ASTN2: variants seen among roughly 807,000 people sequenced by gnomAD.
ASTN2 encodes astrotactin 2.
ASTN2 carries 54 observed loss-of-function variants against 139.8 expected under a neutral mutation model. The observed-to-expected ratio is 0.39, with a 90% CI of 0.31 to 0.48. The LOEUF (loss-of-function observed/expected upper bound fraction) is 0.48, where lower values mean the gene tolerates loss of function less well. Ranked by LOEUF, ASTN2 falls within the 20% of genes least tolerant of loss-of-function variation. ASTN2 has a pLI of 0.95. For synonymous variants in ASTN2, 756 were observed against 719.5 expected, an observed-to-expected ratio of 1.05 and a Z score of -0.81; for missense variants, 1,565 against 1,725.1, an observed-to-expected ratio of 0.91 and a Z score of 1.64.
chr9:116,643,839 A>T (rs911620350), intron 17 of ASTN2, among the ~76,000 whole-genome samples: 1 of 152,084 alleles, frequency 6.6e-6, no homozygotes. Flanking sequence ...CTCTTCTAAC[A>T]CTATTGGAAT....
intron 22 of ASTN2, among the ~76,000 whole-genome samples, chr9:116,436,855 T>C (rs1415532071): frequency 1.3e-5 from 2 of 151,798 alleles, no homozygotes; most frequent in African/African-American, 4.8e-5. Flanking sequence ...GTGGCACATA[T>C]ACACCATGGA....
In ASTN2 at chr9:116,697,828, A is replaced by G. The variant is rs757842932; in HGVS notation, c.2806+27943T>C. On this transcript the variant is annotated intron_variant, in intron 16 of 22. Coordinates refer to ENST00000313400, the MANE Select transcript of ASTN2 (RefSeq NM_001365068.1). The stretch of plus-strand genomic sequence containing the variant: ...CCCATCTGCATGGAGTCCTTCACAG[A>G]AGAGCAGCTGCGTCCCAAGCTTCTG... 3.7e-6 allele frequency: 6 copies of G among 1,614,186 alleles called. No individual in the cohort carries two copies. In the Admixed American group the frequency reaches 8.3e-5, roughly 22 times the overall value.
chr9:117,118,577 G>A (rs1829462595), intron 4 of ASTN2, among the ~76,000 whole-genome samples: 1 of 152,124 alleles, frequency 6.6e-6, no homozygotes, highest in African/African-American at 2.4e-5. Context: ...AGTTAGAGAG[G>A]TCAGATTATA....
intron 19 of ASTN2, among the ~76,000 whole-genome samples, chr9:116,506,051 A>G (rs561377366): frequency 1.3e-5 from 2 of 152,224 alleles, no homozygotes; most frequent in Non-Finnish European, 2.9e-5. Flanking sequence ...TTGCACATCT[A>G]TTACTTTACC....
chr9:116,913,950 C>T (rs2132424680), intron 10 of ASTN2, among the ~76,000 whole-genome samples: 1 of 150,472 alleles, frequency 6.6e-6, no homozygotes, highest in South Asian at 2.1e-4. Context: ...TTTCTAGCTC[C>T]AGAGCCTCAA....
intron 10 of ASTN2, among the ~76,000 whole-genome samples, chr9:116,972,317 T>C (rs1317749436): frequency 1.3e-5 from 2 of 152,238 alleles, no homozygotes; most frequent in Non-Finnish European, 2.9e-5. Context: ...GTTACTGTGT[T>C]CTTTCATATT....
At chr9:117,173,067 G>A (rs890158492) in intron 3 of ASTN2, among the ~76,000 whole-genome samples, 1 of 151,994 alleles carries the variant, frequency 6.6e-6, no homozygotes, top group East Asian at 1.9e-4. Flanking sequence ...ATAAGGAAAG[G>A]GATAAAAGAA....
At chr9:116,678,094 GAC>G (rs1207022235) in intron 16 of ASTN2, among the ~76,000 whole-genome samples, 1 of 152,186 alleles carries the variant, frequency 6.6e-6, no homozygotes, top group East Asian at 1.9e-4. Context: ...TGGAAATAAA[GAC>G]AGTTTTAAAG....
At chr9:117,371,624 T>TA (rs919302157) in intron 1 of ASTN2, among the ~76,000 whole-genome samples, 19 of 152,170 alleles carry the variant, frequency 1.2e-4, no homozygotes, top group Non-Finnish European at 2.9e-5. Context: ...TCTTGATCTG[T>TA]AAAGTCAGAA....
chr9:117,414,423 G>A lies in ASTN2; in HGVS notation c.442+74C>T. On this transcript the variant is annotated intron_variant, in intron 1 of 22. Coordinates refer to ENST00000313400, the MANE Select transcript of ASTN2 (RefSeq NM_001365068.1). This position sits in a 1 kb window ranked among gnomAD's most constrained non-coding sequence, Gnocchi z 4.2. ...AGCCCCGGGCAGGGATCCCCAGGGC[G>A]CCCCCACCCGTCCGGCATGACGCAG... is the stretch of plus-strand genomic sequence containing the variant. The A allele has an allele frequency of 1.3e-6, 2 of 1,575,662 alleles. No homozygotes were observed. The highest frequency in any genetic ancestry group is 8.6e-7 in the Non-Finnish European group (1 of 1,161,244).
chr9:117,299,624 A>G (rs889895049), intron 1 of ASTN2, among the ~76,000 whole-genome samples: 1 of 152,174 alleles, frequency 6.6e-6, no homozygotes, highest in Non-Finnish European at 1.5e-5. Context: ...CATTATAGAG[A>G]GAGGCTGGGG....
intron 11 of ASTN2, among the ~76,000 whole-genome samples, chr9:116,856,507 T>A (rs78578614): frequency 2.6e-5 from 4 of 152,112 alleles, no homozygotes; most frequent in African/African-American, 9.7e-5. Flanking sequence ...TACACTGCAA[T>A]TGAGTCATTA....
At position 116,528,736 on chromosome 9, in the gene ASTN2, G is replaced by A. The variant is rs902347475; in HGVS notation, c.3356-41236C>T. Among the ~76,000 whole-genome samples the A allele has an allele frequency of 4.6e-5, 7 of 152,150 alleles. No individual in the cohort carries two copies. In the South Asian group the frequency reaches 1.5e-3, roughly 32 times the overall value. On this transcript the variant is annotated intron_variant, in intron 19 of 22. Transcript: ENST00000313400. ...ATGGCTGCTGCTCTATGCAGCCTTG[G>A]GACATGGCACCCTGCATTCCAGACG...
intron 16 of ASTN2, among the ~76,000 whole-genome samples, chr9:116,678,676 C>T (rs1859651755): frequency 6.6e-6 from 1 of 152,090 alleles, no homozygotes; most frequent in Non-Finnish European, 1.5e-5. Context: ...AACAAGATGG[C>T]TAAGATTTGA....
intron 20 of ASTN2, among the ~76,000 whole-genome samples, chr9:116,455,646 T>C (rs1848310175): frequency 6.6e-6 from 1 of 151,944 alleles, no homozygotes; most frequent in Non-Finnish European, 1.5e-5. Flanking sequence ...AAAGGTAATT[T>C]GGAAAATTCC....
At chr9:116,539,895 T>C (rs1851807365) in intron 19 of ASTN2, among the ~76,000 whole-genome samples, 1 of 152,224 alleles carries the variant, frequency 6.6e-6, no homozygotes, top group African/African-American at 2.4e-5. Context: ...TACTGTATTA[T>C]AAAAATATAA....
intron 20 of ASTN2, among the ~76,000 whole-genome samples, chr9:116,466,895 C>G (rs150781150): frequency 6.6e-6 from 1 of 152,122 alleles, no homozygotes; most frequent in East Asian, 1.9e-4. Flanking sequence ...TTTTTGCTAT[C>G]AGTTTTGTTT....
chr9:117,126,342 C>A (rs1378025624), intron 4 of ASTN2, among the ~76,000 whole-genome samples: 4 of 152,186 alleles, frequency 2.6e-5, no homozygotes, highest in Non-Finnish European at 5.9e-5. Flanking sequence ...TGGAAGCAGT[C>A]AGGTCTAAAT....
chr9:116,805,108 GA>G (rs1830995056), intron 13 of ASTN2, among the ~76,000 whole-genome samples: 2 of 116,930 alleles, frequency 1.7e-5, no homozygotes, highest in African/African-American at 7.4e-5. Flanking sequence ...GGGATTTGGG[GA>G]GTGTGTGTGT....
Sources: gnomAD v4.1 joint callset for allele counts (sites outside exome capture counted in the v4.1 genomes callset) on GRCh38, gnomAD v4.1.1 for gene constraint, Gnocchi (gnomAD v3.1) non-coding constraint, MANE v1.5 for transcripts, NCBI Gene and HGNC (gene_info 2026-07-23, HGNC 2026-07-21) for gene names.